The following FBXO25 variants were observed in gnomAD, a reference collection of about 807,000 sequenced individuals.
FBXO25 encodes F-box only protein 25.
A neutral mutation model predicts 51.9 loss-of-function variants in FBXO25; 45 were observed. The observed-to-expected ratio is 0.87, with a 90% CI of 0.68 to 1.11. The LOEUF is 1.11. FBXO25 is among the 50% of genes most tolerant of loss of function. The pLI is 0.00. For synonymous variants in FBXO25, 199 were observed against 151.0 expected (o/e 1.32, Z -2.33); for missense variants, 507 against 428.5 (o/e 1.18, Z -1.62).
intron 9 of FBXO25, among the ~76,000 whole-genome samples, chr8:463,687 A>G (rs1222022371): frequency 6.6e-6 from 1 of 152,276 alleles, no homozygotes. Flanking sequence ...TCAGAACTTA[A>G]CAAGACTATC....
chr8:422,228 A>G (rs998476254), intron 2 of FBXO25, among the ~76,000 whole-genome samples: 2 of 152,254 alleles, frequency 1.3e-5, no homozygotes, highest in African/African-American at 2.4e-5. Flanking sequence ...GCCCCAACCA[A>G]GAACTCAAAG....
Position 474,269 on chromosome 8 carries a change from G to T in FBXO25, c.*5465G>T. On this transcript the variant is annotated 3_prime_UTR_variant, in exon 10 of 10. Coordinates refer to ENST00000350302, the MANE Select transcript of FBXO25 (RefSeq NM_183420.2). Reference sequence around the variant, plus strand: ...AATGTCCTCAAGGTTTATTCAAGTTGTAGGATATGTCAAGATTTCTTTTTA... The same window carrying T: ...AATGTCCTCAAGGTTTATTCAAGTTTTAGGATATGTCAAGATTTCTTTTTA... 5.5e-6 allele frequency: 1 copy of T among 182,724 alleles called. No homozygotes were observed. The allele number at this position is 182,724 out of a possible 1,614,324, so 11.3% of individuals were successfully genotyped here.
At chr8:422,286 T>G (rs778927741) in intron 2 of FBXO25, among the ~76,000 whole-genome samples, 4 of 152,242 alleles carry the variant, frequency 2.6e-5, no homozygotes, top group Non-Finnish European at 5.9e-5. Flanking sequence ...GCTGTGTGAA[T>G]GGCACATCAT....
intron 5 of FBXO25, among the ~76,000 whole-genome samples, chr8:445,339 C>T (rs1017629792): frequency 3.0e-4 from 45 of 152,106 alleles, no homozygotes; most frequent in African/African-American, 1.1e-3. Context: ...GGGAGGTAGT[C>T]GGGAAGACCT....
At chr8:432,016 A>G (rs1317864248) in intron 3 of FBXO25, among the ~76,000 whole-genome samples, 5 of 152,170 alleles carry the variant, frequency 3.3e-5, no homozygotes, top group Non-Finnish European at 5.9e-5. Context: ...TTTTTTATGT[A>G]TATACACACT....
At position 458,816 on chromosome 8, in the gene FBXO25, T is replaced by G. The variant is rs1799621813; in HGVS notation, c.843+265T>G. Among the ~76,000 whole-genome samples, 3 of 152,362 alleles carry G rather than the reference T, an allele frequency of 2.0e-5. No individual in the cohort carries two copies. In the South Asian group the frequency reaches 6.2e-4, roughly 32 times the overall value. ...AAGAACTGAGTTCTTTTCTCTCCTG[T>G]TGATAACGAGGTGCATAGAGTCCCT... On this transcript the variant is annotated intron_variant, in intron 8 of 9. Transcript: ENST00000350302.
chr8:467,633 C>A (rs571909304), intron 9 of FBXO25: 1 of 1,313,698 alleles, frequency 7.6e-7, no homozygotes. Context: ...TGCTTAGATA[C>A]ACTCTGGCTC....
At chr8:468,329 GA>G in intron 9 of FBXO25, 3 of 982,320 alleles carry the variant, frequency 3.1e-6, no homozygotes, top group Non-Finnish European at 3.7e-6. Context: ...AGTGAGCCAG[GA>G]ACAGGAGGAC....
intron 1 of FBXO25, among the ~76,000 whole-genome samples, chr8:411,871 C>T (rs1186112618): frequency 6.6e-6 from 1 of 152,174 alleles, no homozygotes; most frequent in Non-Finnish European, 1.5e-5. Context: ...TGCACAGTCT[C>T]ACTGTGTATG....
In FBXO25 at chr8:476,804, C is replaced by A. The variant is rs1332237669; in HGVS notation, c.*8000C>A. 6.8e-6 allele frequency: 1 copy of A among 146,874 alleles called. No individual in the cohort carries two copies. The highest frequency in any genetic ancestry group is 2.7e-5 in the African/African-American group (1 of 37,578). The allele number at this position is 146,874 out of a possible 1,614,324, so 9.1% of individuals were successfully genotyped here. On this transcript the variant is annotated 3_prime_UTR_variant, in exon 10 of 10. Transcript: ENST00000350302. Reference sequence around the variant, plus strand: ...TTCTGTTCTCTATTTTGTCTCTGCTCTAATCTTTATTATTATTATAATCAT... The same window carrying A: ...TTCTGTTCTCTATTTTGTCTCTGCTATAATCTTTATTATTATTATAATCAT...
intron 9 of FBXO25, among the ~76,000 whole-genome samples, chr8:464,560 T>C (rs1800029175): frequency 6.6e-6 from 1 of 152,208 alleles, no homozygotes; most frequent in Non-Finnish European, 1.5e-5. Context: ...CCATAACCTT[T>C]TGTGATTACT....
At chr8:429,737 C>T (rs1003499379) in intron 2 of FBXO25, among the ~76,000 whole-genome samples, 1 of 152,228 alleles carries the variant, frequency 6.6e-6, no homozygotes, top group Non-Finnish European at 1.5e-5. Context: ...GCTTGGTCCT[C>T]AAGTCTGACA....
intron 2 of FBXO25, among the ~76,000 whole-genome samples, chr8:421,216 C>G (rs1257499193): frequency 6.8e-6 from 1 of 147,586 alleles, no homozygotes; most frequent in African/African-American, 2.4e-5. Flanking sequence ...CCTTTTGAGA[C>G]TAACTAACTA....
chr8:440,819 T>G (rs913064884), intron 5 of FBXO25, among the ~76,000 whole-genome samples: 5 of 148,334 alleles, frequency 3.4e-5, no homozygotes, highest in Non-Finnish European at 6.0e-5. Flanking sequence ...CTCCCACTTA[T>G]GAATAAGAAC....
chr8:451,177 C>T (rs915517021), intron 6 of FBXO25, 92 bp from the exon 7 acceptor site: 21 of 1,060,388 alleles, frequency 2.0e-5, no homozygotes, highest in Non-Finnish European at 2.7e-5. Flanking sequence ...GTCTGTTCGT[C>T]TATCAGTGGA....
chr8:448,525 A>C (rs1171423499), intron 5 of FBXO25, among the ~76,000 whole-genome samples: 1 of 152,234 alleles, frequency 6.6e-6, no homozygotes, highest in African/African-American at 2.4e-5. Flanking sequence ...CCAGTCTGCA[A>C]ACAAACAGTA....
chr8:452,726 C>T (rs150543750), intron 7 of FBXO25, among the ~76,000 whole-genome samples: 6 of 152,318 alleles, frequency 3.9e-5, no homozygotes, highest in South Asian at 2.1e-4. Flanking sequence ...GGATTAGTGG[C>T]TCTGCATTCT....
intron 2 of FBXO25, 68 bp downstream of exon 2, chr8:413,281 A>C: frequency 7.1e-7 from 1 of 1,400,262 alleles, no homozygotes; most frequent in Middle Eastern, 1.9e-4. Flanking sequence ...CTATTTTTCA[A>C]GTCCCTGCAA....
intron 7 of FBXO25, among the ~76,000 whole-genome samples, chr8:453,480 C>A (rs145322655): frequency 1.3e-5 from 2 of 152,102 alleles, no homozygotes; most frequent in Non-Finnish European, 2.9e-5. Flanking sequence ...GGGAATGTTA[C>A]TTGAAACCAG....
Sources: allele counts gnomAD v4.1 joint callset (sites outside exome capture counted in the v4.1 genomes callset), GRCh38; gene constraint gnomAD v4.1.1; transcripts MANE v1.5; gene names NCBI Gene and HGNC (gene_info 2026-07-23, HGNC 2026-07-21).